The following DCAF12 variants were observed in gnomAD, a reference collection of about 807,000 sequenced individuals.
DCAF12 encodes the protein DDB1- and CUL4-associated factor 12.
A neutral mutation model predicts 52.8 loss-of-function variants in DCAF12; 28 were observed. The observed-to-expected ratio is 0.53, with a 90% confidence interval of 0.39 to 0.73. The LOEUF (loss-of-function observed/expected upper bound fraction) is 0.73. Ranked by LOEUF, DCAF12 falls within the 30% of genes least tolerant of loss-of-function variation. The pLI, the probability that DCAF12 is intolerant of heterozygous loss-of-function variation, is 0.00. For missense variants in DCAF12, 425 were observed against 552.2 expected (o/e 0.77, Z 2.31); for synonymous variants, 196 against 215.5 (o/e 0.91, Z 0.79).
Position 34,088,413 on chromosome 9 carries a change from G to A in DCAF12, c.1299C>T (p.Leu433=), listed in dbSNP as rs1178709061. The A allele has an allele frequency of 6.2e-7, 1 of 1,613,942 alleles. No homozygotes were observed. Among genetic ancestry groups the A allele is most frequent in the Non-Finnish European group, 8.5e-7 (1 of 1,179,898 alleles). Residue 433 remains leucine (L), a synonymous_variant, in exon 9 of 9, where the codon CTC becomes CTT. Coordinates refer to ENST00000361264, the MANE Select transcript of DCAF12 (RefSeq NM_015397.4). ...AAGGGAGGGGACCTCCTGCCACAAA[G>A]AGTTTCGTTCCAGACGAGTCGTAGC... The part of the protein sequence containing the change: ...THCYDSSGTK[L]FVAGGPLPSG...
intron 2 of DCAF12, 106 bp downstream of exon 2, chr9:34,124,917 A>G: frequency 7.1e-7 from 1 of 1,402,202 alleles, no homozygotes; most frequent in African/African-American, 1.4e-5. Flanking sequence ...GAGTAAGGCA[A>G]GTCCCTCCTA....
intron 2 of DCAF12, among the ~76,000 whole-genome samples, chr9:34,120,595 C>T (rs569064176): frequency 9.5e-4 from 142 of 148,974 alleles, no homozygotes; most frequent in African/African-American, 3.4e-3. Context: ...CGCTTGAACC[C>T]GGAGGCAAAG....
In DCAF12 at chr9:34,097,563, T is replaced by C. The variant is rs1047528898; in HGVS notation, c.795+761A>G. ...GAGTCACTGCGCCTGGGTGACACTC[T>C]GCTTTATTAAAACCTCAGCATCAGA... On this transcript the variant is annotated intron_variant, in intron 5 of 8. Transcript: ENST00000361264. Among the ~76,000 whole-genome samples, 4 of 151,906 alleles carry C rather than the reference T, an allele frequency of 2.6e-5. No individual in the cohort carries two copies. In the East Asian group the frequency reaches 7.7e-4, roughly 29 times the overall value.
chr9:34,089,523 G>C lies in DCAF12; in HGVS notation c.1092C>G (p.Phe364Leu). ...TVGTGQGSLL[F>L]YDIRAQRFLE... ...GAAATCTCTGAGCTCGGATGTCATA[G>C]AACAGCAGGGAGCCCTGCCCTGTTC... The change falls in exon 8 of 9, where the codon TTC becomes TTG. Residue 364 changes from phenylalanine (F) to leucine (L), a missense_variant. Phe to Leu is a conservative substitution (Grantham distance 22). Around this residue, in one of 3 missense-constraint regions of DCAF12, gnomAD observed 328 missense variants for 444.4 expected, o/e 0.74. Coordinates refer to ENST00000361264, the MANE Select transcript of DCAF12 (RefSeq NM_015397.4). 6.2e-7 allele frequency: 1 copy of C among 1,614,158 alleles called. No individual in the cohort carries two copies. Among genetic ancestry groups the C allele is most frequent in the South Asian group, 1.1e-5 (1 of 91,074 alleles).
intron 2 of DCAF12, among the ~76,000 whole-genome samples, chr9:34,107,932 A>T (rs892009280): frequency 2.0e-5 from 3 of 152,200 alleles, no homozygotes; most frequent in Non-Finnish European, 4.4e-5. Flanking sequence ...TCACCTAACC[A>T]CACCATGCAC....
rs140591380 is a variant in DCAF12, at chr9:34,106,494, C to T, written c.541G>A (p.Asp181Asn). 6.8e-6 allele frequency: 11 copies of T among 1,609,140 alleles called. No individual in the cohort carries two copies. The highest frequency in any genetic ancestry group is 2.7e-5 in the African/African-American group (2 of 74,848). Residue 181 changes from aspartate (D) to asparagine (N), a missense_variant and splice_region_variant, in exon 4 of 9, where the codon GAT becomes AAT. Physicochemically the swap from Asp to Asn is conservative, Grantham distance 23. Coordinates refer to ENST00000361264, the MANE Select transcript of DCAF12 (RefSeq NM_015397.4). ...GAAAAGATCCAGTCCTTGTGTCCATCCTTGGAGAGCAGGGAGTAACAGGTA... is the reference window on the plus strand; with the variant it reads ...GAAAAGATCCAGTCCTTGTGTCCATTCTTGGAGAGCAGGGAGTAACAGGTA... ...PTLDPVCVGD[D>N]GHKDWIFSIA... is the part of the protein sequence containing the mutation.
In DCAF12 at chr9:34,088,312, G is replaced by A. The variant is rs1828591220; in HGVS notation, c.*38C>T. ...CAAAAGAAACAAGGAAACTGAGAAT[G>A]GAAGTTAGTGTAAATCTCTGCATTT... is the stretch of plus-strand genomic sequence containing the variant. On this transcript the variant is annotated 3_prime_UTR_variant, in exon 9 of 9. Transcript: ENST00000361264. 2 of 1,498,718 alleles carry A rather than the reference G, an allele frequency of 1.3e-6. No homozygotes were observed. The highest frequency in any genetic ancestry group is 4.9e-5 in the Admixed American group (2 of 40,980). The allele number at this position is 1,498,718 out of a possible 1,614,324, so 92.8% of individuals were successfully genotyped here.
intron 1 of DCAF12, 115 bp downstream of exon 1, chr9:34,126,239 G>A (rs1376227526): frequency 7.5e-6 from 10 of 1,328,362 alleles, no homozygotes; most frequent in Non-Finnish European, 1.0e-6. Context: ...ACCCATTCCT[G>A]TTTTGCCTCT....
chr9:34,104,166 G>C lies in DCAF12; in HGVS notation c.601+2268C>G, dbSNP rs189113112. Among the ~76,000 whole-genome samples, 59 of 152,144 alleles carry C rather than the reference G, an allele frequency of 3.9e-4. No homozygotes were observed. The East Asian group carries it at 9.5e-3, about 24-fold the overall frequency. ...TGTAGTCCCAGCTACTTGGGAGGCC[G>C]AGGCAAGAGAAGTGTTTGAACCTGG... is the stretch of plus-strand genomic sequence containing the variant. On this transcript the variant is annotated intron_variant, in intron 4 of 8. Coordinates refer to ENST00000361264, the MANE Select transcript of DCAF12 (RefSeq NM_015397.4).
chr9:34,100,591 C>T (rs1191784442), intron 4 of DCAF12, among the ~76,000 whole-genome samples: 1 of 150,412 alleles, frequency 6.6e-6, no homozygotes, highest in Non-Finnish European at 1.5e-5. Flanking sequence ...ACCTCCTGAG[C>T]ACAAGTGATC....
chr9:34,113,353 G>GA (rs987981641), intron 2 of DCAF12, among the ~76,000 whole-genome samples: 1 of 152,024 alleles, frequency 6.6e-6, no homozygotes, highest in African/African-American at 2.4e-5. Context: ...TACGCGGCCT[G>GA]AATTTTTTCT....
chr9:34,111,612 C>A (rs1049412279), intron 2 of DCAF12, among the ~76,000 whole-genome samples: 1 of 152,174 alleles, frequency 6.6e-6, no homozygotes, highest in African/African-American at 2.4e-5. Flanking sequence ...AGTAGGCCCC[C>A]ACATCCCTGT....
chr9:34,115,625 T>C (rs1265147155), intron 2 of DCAF12, among the ~76,000 whole-genome samples: 1 of 150,300 alleles, frequency 6.7e-6, no homozygotes, highest in Non-Finnish European at 1.5e-5. Context: ...TATATACACA[T>C]AGCAGGACCC....
Position 34,089,553 on chromosome 9 carries a change from A to C in DCAF12, c.1062T>G (p.Thr354=), listed in dbSNP as rs746261139. The change falls in exon 8 of 9, where the codon ACT becomes ACG. Residue 354 remains threonine, a synonymous_variant. Transcript: ENST00000361264. ...GCAGGGAGCCCTGCCCTGTTCCCAC[A>C]GTGATGATGTGCTCGTAGAAACTCA... ...RSVSFYEHII[T]VGTGQGSLLF... The C allele has an allele frequency of 1.2e-6, 2 of 1,612,012 alleles. No individual in the cohort carries two copies. The highest frequency in any genetic ancestry group is 2.2e-5 in the South Asian group (2 of 90,850).
chr9:34,124,312 T>G (rs1356284903), intron 2 of DCAF12, among the ~76,000 whole-genome samples: 1 of 152,242 alleles, frequency 6.6e-6, no homozygotes, highest in Non-Finnish European at 1.5e-5. Flanking sequence ...TTTGCCAGTC[T>G]TGTGACATCA....
chr9:34,113,767 A>G (rs568437233), intron 2 of DCAF12, among the ~76,000 whole-genome samples: 1 of 152,366 alleles, frequency 6.6e-6, no homozygotes, highest in Non-Finnish European at 1.5e-5. Flanking sequence ...ACAATAGCCA[A>G]GATACGGAAT....
At chr9:34,100,882 T>A (rs1350548157) in intron 4 of DCAF12, among the ~76,000 whole-genome samples, 1 of 151,624 alleles carries the variant, frequency 6.6e-6, no homozygotes, top group Non-Finnish European at 1.5e-5. Context: ...CAAGTGATCC[T>A]CATACCTCAG....
chr9:34,107,585 C>G lies in DCAF12; in HGVS notation c.334-20G>C. 1 of 1,611,468 alleles carries G rather than the reference C, an allele frequency of 6.2e-7. No homozygotes were observed. Among genetic ancestry groups the G allele is most frequent in the African/African-American group, 1.3e-5 (1 of 74,970 alleles). Reference sequence around the variant, plus strand: ...AAATAGCTACAAGAAAAAATGGATACAGAAGCTGAACATAAATTTAACGTG... The same window carrying G: ...AAATAGCTACAAGAAAAAATGGATAGAGAAGCTGAACATAAATTTAACGTG... On this transcript the variant is annotated intron_variant, in intron 2 of 8. Transcript: ENST00000361264.
intron 2 of DCAF12, among the ~76,000 whole-genome samples, chr9:34,119,485 C>T (rs1829138720): frequency 6.6e-6 from 1 of 152,150 alleles, no homozygotes; most frequent in African/African-American, 2.4e-5. Flanking sequence ...TCGCACATTA[C>T]AGTCTCCATA....
Sources: gnomAD v4.1 joint callset for allele counts (sites outside exome capture counted in the v4.1 genomes callset) on GRCh38, gnomAD v4.1.1 for gene constraint, gnomAD v4.1.1 regional missense constraint, MANE v1.5 for transcripts, NCBI Gene and HGNC (gene_info 2026-07-23, HGNC 2026-07-21) for gene names.